CSMD1: variants seen among roughly 807,000 people sequenced by gnomAD.
The protein encoded by CSMD1 is CUB and sushi domain-containing protein 1.
CSMD1 carries 213 observed loss-of-function variants against 417.5 expected under a neutral mutation model. The ratio of observed to expected loss-of-function variants is 0.51; its 90% CI spans 0.46 to 0.57. The LOEUF (loss-of-function observed/expected upper bound fraction) is 0.57, where lower values mean the gene tolerates loss of function less well. CSMD1 is among the 20% of genes least tolerant of loss of function. CSMD1 has a pLI of 0.00. For missense variants in CSMD1, 6,923 were observed against 4,529.7 expected (o/e 1.53, Z -15.17); for synonymous variants, 2,862 against 1,736.8 (o/e 1.65, Z -16.11).
At chr8:4,377,668 A>G (rs11781432) in intron 3 of CSMD1, among the ~76,000 whole-genome samples, 37,139 of 152,092 alleles carry the variant, frequency 0.24, 4,857 homozygotes, top group African/African-American at 0.33. Context: ...AGCAAAGTAT[A>G]TATTTCTATT....
chr8:4,742,685 C>T (rs1005871735), intron 1 of CSMD1, among the ~76,000 whole-genome samples: 1 of 151,988 alleles, frequency 6.6e-6, no homozygotes, highest in Non-Finnish European at 1.5e-5. Flanking sequence ...TCAGTGTTGA[C>T]AATCAGGTTG....
At chr8:3,531,864 C>T (rs1797995794) in intron 10 of CSMD1, among the ~76,000 whole-genome samples, 1 of 152,142 alleles carries the variant, frequency 6.6e-6, no homozygotes, top group Admixed American at 6.6e-5. Context: ...CAGGCCGGTC[C>T]ACCATGGGGC....
intron 1 of CSMD1, among the ~76,000 whole-genome samples, chr8:4,903,179 G>C (rs867550853): frequency 4.6e-5 from 7 of 152,114 alleles, no homozygotes; most frequent in Middle Eastern, 3.4e-3. Flanking sequence ...TCTTCCCACA[G>C]GAACATTTGT....
chr8:3,813,683 T>C (rs1801211969), intron 5 of CSMD1, among the ~76,000 whole-genome samples: 1 of 152,204 alleles, frequency 6.6e-6, no homozygotes, highest in Non-Finnish European at 1.5e-5. Flanking sequence ...AAAAGCCCTG[T>C]ACTTTCCAAT....
At chr8:3,309,671 A>G (rs762524105) in intron 23 of CSMD1, among the ~76,000 whole-genome samples, 2 of 152,178 alleles carry the variant, frequency 1.3e-5, no homozygotes, top group Non-Finnish European at 2.9e-5. Context: ...CTTTCCTTCT[A>G]TTTCCACCAA....
chr8:4,379,134 A>T (rs1030972837), intron 3 of CSMD1, among the ~76,000 whole-genome samples: 27 of 152,222 alleles, frequency 1.8e-4, no homozygotes, highest in African/African-American at 5.8e-4. Flanking sequence ...AATAACAGAT[A>T]TATCAGCCCC....
intron 5 of CSMD1, among the ~76,000 whole-genome samples, chr8:3,849,743 CTCTTGTACAAAT>C (rs1803762051): frequency 6.6e-6 from 1 of 152,158 alleles, no homozygotes; most frequent in South Asian, 2.1e-4. Context: ...CTTTATGAAG[CTCTTGTACAAAT>C]ATCTTTTGAG....
intron 12 of CSMD1, among the ~76,000 whole-genome samples, chr8:3,418,202 G>C (rs1813276145): frequency 6.6e-6 from 1 of 152,136 alleles, no homozygotes; most frequent in Admixed American, 6.5e-5. Flanking sequence ...CACCTGCTGT[G>C]TTTTTCCTTC....
intron 10 of CSMD1, among the ~76,000 whole-genome samples, chr8:3,524,315 G>A (rs1334542282): frequency 7.0e-6 from 1 of 142,924 alleles, no homozygotes; most frequent in Non-Finnish European, 1.5e-5. Context: ...AGAGACATAT[G>A]CACACATAAA....
intron 8 of CSMD1, among the ~76,000 whole-genome samples, chr8:3,598,709 TC>T (rs1230394235): frequency 6.6e-6 from 1 of 152,138 alleles, no homozygotes; most frequent in Non-Finnish European, 1.5e-5. Context: ...GCTAAAAACC[TC>T]CCTAGAGATG....
chr8:4,812,175 G>A (rs916155940), intron 1 of CSMD1, among the ~76,000 whole-genome samples: 5 of 152,134 alleles, frequency 3.3e-5, no homozygotes, highest in African/African-American at 2.4e-5. Context: ...CGTGTGCAGC[G>A]AGATAAACAC....
chr8:4,927,460 G>A (rs138292744), intron 1 of CSMD1, among the ~76,000 whole-genome samples: 192 of 152,282 alleles, frequency 1.3e-3, no homozygotes, highest in African/African-American at 4.5e-3. Flanking sequence ...CTCAAGAACT[G>A]AGGCTTGGGG....
intron 8 of CSMD1, among the ~76,000 whole-genome samples, chr8:3,607,013 C>G (rs565937819): frequency 6.6e-6 from 1 of 151,988 alleles, no homozygotes; most frequent in Non-Finnish European, 1.5e-5. Flanking sequence ...CCTGGCCTAC[C>G]GTGTTACAGT....
rs118131601 is a variant in CSMD1 at position 4,870,852 on chromosome 8, C to T, written c.85+123480G>A. On this transcript the variant is annotated intron_variant, in intron 1 of 69. Transcript: ENST00000635120. ...TGGCTCCCCTCTGCTTCAGATGAAT[C>T]CAAGTTTGTCCCACAGTTCCTGATT... Among the ~76,000 whole-genome samples, 323 of 152,232 alleles carry T rather than the reference C, an allele frequency of 2.1e-3. 2 individuals carry two copies. Among genetic ancestry groups the T allele is most frequent in the Admixed American group, 4.9e-3 (75 of 15,302 alleles).
At chr8:3,307,925 A>G (rs1584970471) in intron 24 of CSMD1, 104 bp from the exon 25 acceptor site, 1 of 1,245,530 alleles carries the variant, frequency 8.0e-7, no homozygotes, top group Non-Finnish European at 1.1e-6. Flanking sequence ...TTATATACAT[A>G]GAGAAAAAGA....
chr8:2,999,129 A>AATTT (rs1216895035), intron 53 of CSMD1, among the ~76,000 whole-genome samples: 1 of 150,264 alleles, frequency 6.7e-6, no homozygotes, highest in Non-Finnish European at 1.5e-5. Flanking sequence ...CATTACATGT[A>AATTT]ATTTTACCTC....
chr8:3,967,200 A>G (rs1239157398), intron 5 of CSMD1, among the ~76,000 whole-genome samples: 3 of 151,598 alleles, frequency 2.0e-5, no homozygotes, highest in Non-Finnish European at 3.0e-5. Flanking sequence ...GATTCTCTCT[A>G]CTGCTTTGCT....
At chr8:3,562,001 T>G (rs7816462) in intron 10 of CSMD1, among the ~76,000 whole-genome samples, 1 of 151,730 alleles carries the variant, frequency 6.6e-6, no homozygotes, top group African/African-American at 2.4e-5. Context: ...GTCAGAAACT[T>G]TGTGAAGGAG....
intron 10 of CSMD1, among the ~76,000 whole-genome samples, chr8:3,570,563 G>T (rs1023629341): frequency 1.3e-5 from 2 of 152,132 alleles, no homozygotes; most frequent in Admixed American, 6.5e-5. Context: ...GCTCTAGAGA[G>T]GGGGCAGGAA....
Sources: allele counts gnomAD v4.1 joint callset (sites outside exome capture counted in the v4.1 genomes callset), GRCh38; gene constraint gnomAD v4.1.1; transcripts MANE v1.5; gene names NCBI Gene and HGNC (gene_info 2026-07-23, HGNC 2026-07-21).